Variants in ZFPM2 observed in about 807,000 individuals in gnomAD.
ZFPM2 encodes the protein zinc finger protein ZFPM2.
Under a neutral mutation model 98.6 loss-of-function variants are expected in ZFPM2, and 20 were observed. That is an observed-to-expected ratio of 0.20 (90% CI 0.14 to 0.29). The LOEUF is 0.29. Ranked by LOEUF, ZFPM2 falls within the 10% of genes least tolerant of loss-of-function variation. The pLI is 1.00. For synonymous variants in ZFPM2, 518 were observed against 502.7 expected (o/e 1.03, Z -0.41); for missense variants, 1,310 against 1,388.6 (o/e 0.94, Z 0.90).
At chr8:105,789,805 T>G (rs1331581661) in intron 6 of ZFPM2, among the ~76,000 whole-genome samples, 1 of 152,146 alleles carries the variant, frequency 6.6e-6, no homozygotes, top group African/African-American at 2.4e-5. Context: ...TATCTCATTG[T>G]GGTTTTGATT....
Position 105,665,863 on chromosome 8 carries a change from TGTATATGGTTGGCACATGATAAATGG to T in ZFPM2, c.532+31507_532+31532del, listed in dbSNP as rs1485440240. Among the ~76,000 whole-genome samples the T allele has an allele frequency of 8.5e-5, 13 of 152,342 alleles. No homozygotes were observed. In the South Asian group the frequency reaches 2.7e-3, roughly 32 times the overall value. On this transcript the variant is annotated intron_variant, in intron 5 of 7. Transcript: ENST00000407775. ...AATATAAGTAAAGGAAGGGCTTGTA[TGTATATGGTTGGCACATGATAAATGG>T]TATACAATTGTGAACTAATGCTGCC...
rs1814015015 is a variant in ZFPM2 at position 105,801,531 on chromosome 8, A to G, written c.1449A>G (p.Pro483=). ...CTAGCCCAAGACTTGCCTCATCTCCAGTTCAGCCTAATATTGGGCCTTCTT... is the reference window on the plus strand; with the variant it reads ...CTAGCCCAAGACTTGCCTCATCTCCGGTTCAGCCTAATATTGGGCCTTCTT... ...EPSSPRLASS[P]VQPNIGPSFP... The change falls in exon 8 of 8, where the codon CCA becomes CCG. Residue 483 remains proline (P), a synonymous_variant. Transcript: ENST00000407775. The G allele has an allele frequency of 6.2e-7, 1 of 1,613,868 alleles. No individual in the cohort carries two copies.
In ZFPM2 at chr8:105,779,877, A is replaced by G. The variant is rs539636974; in HGVS notation, c.533-8841A>G. 1.3e-4 allele frequency among the ~76,000 whole-genome samples: 20 copies of G among 152,312 alleles called. No homozygotes were observed. In the East Asian group the frequency reaches 3.9e-3, roughly 29 times the overall value. On this transcript the variant is annotated intron_variant, in intron 5 of 7. Transcript: ENST00000407775. ...ACTGCTTCTAGTAACAGGCGCATGA[A>G]TTTCCAAAATATAATCGAGTTTGAA... is the stretch of plus-strand genomic sequence containing the variant.
intron 4 of ZFPM2, among the ~76,000 whole-genome samples, chr8:105,621,435 A>G (rs536136586): frequency 3.1e-4 from 47 of 152,262 alleles, no homozygotes; most frequent in African/African-American, 8.9e-4. Context: ...GGCTGAGACT[A>G]TGGGGTTTTC....
In ZFPM2 at chr8:105,635,056, T is replaced by TG. The variant is rs1816821681; in HGVS notation, c.532+703dup. ...ACCTTCCTCACGTGTGGTGTAGTTTTGGGGCACTTTTCTCCACATTCAAGT... is the reference window on the plus strand; with the variant it reads ...ACCTTCCTCACGTGTGGTGTAGTTTTGGGGGCACTTTTCTCCACATTCAAGT... On this transcript the variant is annotated intron_variant, in intron 5 of 7. Transcript: ENST00000407775. Among the ~76,000 whole-genome samples, 5 of 152,224 alleles carry TG rather than the reference T, an allele frequency of 3.3e-5. No homozygotes were observed. The South Asian group carries it at 1.0e-3, about 32-fold the overall frequency.
intron 2 of ZFPM2, among the ~76,000 whole-genome samples, chr8:105,431,080 G>T (rs776740546): frequency 1.2e-4 from 18 of 151,262 alleles, no homozygotes; most frequent in Non-Finnish European, 2.2e-4. Flanking sequence ...ATTTTTTTTT[G>T]TATTTTTAGT....
intron 1 of ZFPM2, among the ~76,000 whole-genome samples, chr8:105,356,062 A>G (rs1812740969): frequency 6.6e-6 from 1 of 152,174 alleles, no homozygotes; most frequent in Non-Finnish European, 1.5e-5. Flanking sequence ...TAGAATTATA[A>G]CTCCTTACAT....
intron 5 of ZFPM2, among the ~76,000 whole-genome samples, chr8:105,653,972 T>G (rs1460350240): frequency 1.3e-5 from 2 of 150,178 alleles, no homozygotes; most frequent in Admixed American, 1.3e-4. Flanking sequence ...TGGGAACACT[T>G]ATTGCTATTT....
intron 5 of ZFPM2, among the ~76,000 whole-genome samples, chr8:105,669,816 CTCT>C (rs1001261492): frequency 1.3e-5 from 2 of 152,146 alleles, no homozygotes; most frequent in Non-Finnish European, 2.9e-5. Context: ...CTTTATCTGC[CTCT>C]TCTTCTTGCC....
Position 105,801,792 on chromosome 8 carries a change from T to C in ZFPM2, c.1710T>C (p.Tyr570=), listed in dbSNP as rs2131178493. Residue 570 remains tyrosine (Y), a synonymous_variant, in exon 8 of 8, where the codon TAT becomes TAC. Coordinates refer to ENST00000407775, the MANE Select transcript of ZFPM2 (RefSeq NM_012082.4). ...LDNYLVHKKH[Y]CSSRWQQMAK... is the part of the protein sequence containing the mutation. ...ATTATCTAGTGCACAAAAAGCATTATTGCAGCAGCCGATGGCAGCAGATGG... is the reference window on the plus strand; with the variant it reads ...ATTATCTAGTGCACAAAAAGCATTACTGCAGCAGCCGATGGCAGCAGATGG... The C allele has an allele frequency of 2.5e-6, 4 of 1,613,946 alleles. No homozygotes were observed. Among genetic ancestry groups the C allele is most frequent in the East Asian group, 2.2e-5 (1 of 44,864 alleles).
intron 5 of ZFPM2, among the ~76,000 whole-genome samples, chr8:105,768,317 T>C (rs1350536328): frequency 1.3e-5 from 2 of 151,942 alleles, no homozygotes; most frequent in Non-Finnish European, 2.9e-5. Context: ...AAAAGCAAAA[T>C]AGATTTTCCA....
intron 1 of ZFPM2, among the ~76,000 whole-genome samples, chr8:105,407,560 C>A (rs1811487241): frequency 6.6e-6 from 1 of 151,854 alleles, no homozygotes; most frequent in South Asian, 2.1e-4. Flanking sequence ...CGAAATCCCC[C>A]ATACTTGTTG....
chr8:105,381,584 C>T (rs573959855), intron 1 of ZFPM2, among the ~76,000 whole-genome samples: 1 of 152,042 alleles, frequency 6.6e-6, no homozygotes, highest in African/African-American at 2.4e-5. Flanking sequence ...CCCCATAGTT[C>T]CCTCATTGCA....
intron 1 of ZFPM2, among the ~76,000 whole-genome samples, chr8:105,381,718 A>G (rs2129880965): frequency 6.6e-6 from 1 of 152,248 alleles, no homozygotes; most frequent in African/African-American, 2.4e-5. Flanking sequence ...GTTTTTGCAT[A>G]TATATATGAA....
chr8:105,529,135 G>T (rs1213470958), intron 3 of ZFPM2, among the ~76,000 whole-genome samples: 1 of 152,116 alleles, frequency 6.6e-6, no homozygotes, highest in Admixed American at 6.6e-5. Flanking sequence ...TCCCTAGCTT[G>T]TAGATGGCCA....
rs772114579 is a variant in ZFPM2 at position 105,561,425 on chromosome 8, G to T, written c.364G>T (p.Val122Leu). The change falls in exon 4 of 8, where the codon GTG becomes TTG. Residue 122 changes from valine to leucine, a missense_variant. Transcript: ENST00000407775. ...RKIQSRQQLP[V>L]GTTWGPFPGK... ...AATTCAGAGTCGACAGCAACTTCCA[G>T]TGGGAACAACCTGGGGGCCGTTTCC... The T allele has an allele frequency of 5.1e-5, 83 of 1,613,420 alleles. No homozygotes were observed. Among genetic ancestry groups the T allele is most frequent in the Non-Finnish European group, 6.7e-5 (79 of 1,179,666 alleles).
chr8:105,720,515 C>A (rs1811635572), intron 5 of ZFPM2, among the ~76,000 whole-genome samples: 1 of 151,800 alleles, frequency 6.6e-6, no homozygotes, highest in Non-Finnish European at 1.5e-5. Flanking sequence ...TTGTATTGTG[C>A]ATGTGCCTCC....
chr8:105,420,053 T>A (rs923138756), intron 2 of ZFPM2, among the ~76,000 whole-genome samples: 7 of 152,190 alleles, frequency 4.6e-5, no homozygotes, highest in Admixed American at 2.6e-4. Flanking sequence ...CCTGCACCAA[T>A]GTACCGTTTT....
chr8:105,773,589 TTAAC>T lies in ZFPM2; in HGVS notation c.533-15126_533-15123del, dbSNP rs529237501. On this transcript the variant is annotated intron_variant, in intron 5 of 7. Coordinates refer to ENST00000407775, the MANE Select transcript of ZFPM2 (RefSeq NM_012082.4). Reference sequence around the variant, plus strand: ...ATAAAAGTTTTAGAAATAGAACTAATTAACTACACTATTAAATTTTCTAGTTTTA... The same window carrying T: ...ATAAAAGTTTTAGAAATAGAACTAATTACACTATTAAATTTTCTAGTTTTA... Among the ~76,000 whole-genome samples the T allele has an allele frequency of 3.4e-3, 510 of 151,624 alleles. 3 individuals are homozygous for T. The highest frequency in any genetic ancestry group is 0.011 in the African/African-American group (460 of 41,468).
Sources: allele counts gnomAD v4.1 joint callset (sites outside exome capture counted in the v4.1 genomes callset), GRCh38; gene constraint gnomAD v4.1.1; transcripts MANE v1.5; gene names NCBI Gene and HGNC (gene_info 2026-07-23, HGNC 2026-07-21).